PCDHGB2: variants seen among roughly 807,000 people sequenced by gnomAD.
The protein encoded by PCDHGB2 is protocadherin gamma subfamily B, 2.
PCDHGB2 carries 55 observed loss-of-function variants against 59.3 expected under a neutral mutation model. That is an observed-to-expected ratio of 0.93 (90% CI 0.75 to 1.16). PCDHGB2 has a LOEUF of 1.16. Ranked by LOEUF, PCDHGB2 falls within the 50% of genes most tolerant of loss-of-function variation. The probability of loss-of-function intolerance (pLI) is 0.00; values close to 1 mark genes in which losing one functional copy is unlikely to be tolerated. For synonymous variants in PCDHGB2, 516 were observed against 512.0 expected (o/e 1.01, Z -0.11); for missense variants, 1,228 against 1,198.5 (o/e 1.02, Z -0.36).
At position 141,392,979 on chromosome 5, in the gene PCDHGB2, C is replaced by A. The variant is rs1356713892; in HGVS notation, c.2421+30423C>A. 1.9e-6 allele frequency: 3 copies of A among 1,613,718 alleles called. No individual in the cohort carries two copies. In the South Asian group the frequency reaches 3.3e-5, roughly 18 times the overall value. ...TATCTCCAAGGACCTGGGGCTGGACCCCCGGAAGCTGGCGAAGCACGGAGT... is the reference window on the plus strand; with the variant it reads ...TATCTCCAAGGACCTGGGGCTGGACACCCGGAAGCTGGCGAAGCACGGAGT... On this transcript the variant is annotated intron_variant, in intron 1 of 3. Transcript: ENST00000522605.
intron 1 of PCDHGB2, chr5:141,390,882 G>C (rs892294372): frequency 6.5e-6 from 1 of 152,824 alleles, no homozygotes; most frequent in Admixed American, 6.5e-5. Flanking sequence ...GTGTGTGTGT[G>C]TGTGTGAGAG....
chr5:141,459,976 G>A (rs1013971472), intron 1 of PCDHGB2, among the ~76,000 whole-genome samples: 1 of 152,202 alleles, frequency 6.6e-6, no homozygotes, highest in Non-Finnish European at 1.5e-5. Flanking sequence ...TACTCAGGAG[G>A]CTGAGACAGG....
At chr5:141,396,502 C>T (rs982229069) in intron 1 of PCDHGB2, 2 of 152,106 alleles carry the variant, frequency 1.3e-5, no homozygotes, top group African/African-American at 4.8e-5. Flanking sequence ...CGCCTGTGGT[C>T]CCAGCTACTC....
At chr5:141,428,124 C>G in intron 1 of PCDHGB2, 2 of 1,605,400 alleles carry the variant, frequency 1.2e-6, no homozygotes, top group Non-Finnish European at 1.7e-6. Flanking sequence ...CGAGCCCGGG[C>G]TTTTCAGCCT....
At chr5:141,374,687 C>A in intron 1 of PCDHGB2, 1 of 1,609,446 alleles carries the variant, frequency 6.2e-7, no homozygotes, top group Non-Finnish European at 8.5e-7. Flanking sequence ...CACACTGGAC[C>A]GGGAAGGAGA....
intron 1 of PCDHGB2, among the ~76,000 whole-genome samples, chr5:141,465,888 C>T (rs1031908926): frequency 5.3e-5 from 8 of 151,942 alleles, no homozygotes; most frequent in South Asian, 2.1e-4. Context: ...TTTGGGAGGC[C>T]GAGGCGGGCA....
intron 1 of PCDHGB2, chr5:141,375,541 A>G (rs566370523): frequency 1.2e-6 from 2 of 1,613,786 alleles, no homozygotes; most frequent in South Asian, 2.2e-5. Context: ...AGAACGCCCA[A>G]GTCTCCTACT....
At chr5:141,508,033 C>A (rs1596123382) in intron 3 of PCDHGB2, 1 of 152,290 alleles carries the variant, frequency 6.6e-6, no homozygotes, top group Non-Finnish European at 1.5e-5. Flanking sequence ...GTTTGCAGCT[C>A]AGCCAGCTGT....
At chr5:141,478,074 A>G in intron 1 of PCDHGB2, 1 of 1,614,090 alleles carries the variant, frequency 6.2e-7, no homozygotes, top group Non-Finnish European at 8.5e-7. Context: ...GACAATGGGG[A>G]GCCTTCGCTC....
At position 141,409,239 on chromosome 5, in the gene PCDHGB2, A is replaced by C. The variant is rs1330242516; in HGVS notation, c.2421+46683A>C. The C allele has an allele frequency of 5.0e-6, 8 of 1,613,920 alleles. No individual in the cohort carries two copies. In the Admixed American group the frequency reaches 1.3e-4, roughly 27 times the overall value. On this transcript the variant is annotated intron_variant, in intron 1 of 3. Transcript: ENST00000522605. ...CTTGATGAAAACGACAACAGCCCAG[A>C]AATAATCATCACTTCTCTCTCTGAT... is the stretch of plus-strand genomic sequence containing the variant.
At chr5:141,467,134 C>T (rs905270517) in intron 1 of PCDHGB2, among the ~76,000 whole-genome samples, 19 of 151,750 alleles carry the variant, frequency 1.3e-4, no homozygotes, top group African/African-American at 4.6e-4. Flanking sequence ...CTCACTGCAA[C>T]CTCTGCCTCC....
Position 141,361,133 on chromosome 5 carries a change from TC to T in PCDHGB2, c.1000del (p.Gln334LysfsTer16). The T allele has an allele frequency of 6.2e-7, 1 of 1,613,962 alleles. No individual in the cohort carries two copies. Among genetic ancestry groups the T allele is most frequent in the South Asian group, 1.1e-5 (1 of 91,080 alleles). ...DPGDLAAHCSIQVEILDDNDC... is the reference protein window; with the variant it reads ...DPGDLAAHCSXQVEILDDNDC... The stretch of plus-strand genomic sequence containing the variant: ...GGAGATCTAGCAGCCCACTGCAGTA[TC>T]CAAGTTGAAATTCTTGATGACAACG... On this transcript the variant is annotated frameshift_variant, in exon 1 of 4. Coordinates refer to ENST00000522605, the MANE Select transcript of PCDHGB2 (RefSeq NM_018923.3). LOFTEE classifies it high-confidence loss of function.
intron 1 of PCDHGB2, among the ~76,000 whole-genome samples, chr5:141,462,825 C>T (rs1040054698): frequency 4.6e-5 from 7 of 152,124 alleles, no homozygotes; most frequent in Admixed American, 3.9e-4. Context: ...GGACAGCAGA[C>T]ATTGTAAATG....
chr5:141,422,260 G>A, intron 1 of PCDHGB2: 1 of 1,564,392 alleles, frequency 6.4e-7, no homozygotes, highest in South Asian at 1.2e-5. Context: ...GAATGATAAC[G>A]CTCCAGAAAT....
intron 2 of PCDHGB2, among the ~76,000 whole-genome samples, chr5:141,500,877 A>AT (rs369345007): frequency 0.053 from 6,532 of 122,188 alleles, 326 homozygotes; most frequent in Admixed American, 0.19. Context: ...TTCATTTACA[A>AT]TTTTTTTTTT....
chr5:141,382,749 G>C, intron 1 of PCDHGB2: 1 of 612,214 alleles, frequency 1.6e-6, no homozygotes, highest in Non-Finnish European at 2.8e-6. Context: ...GACAGATTGC[G>C]ATAAGCCCTC....
intron 3 of PCDHGB2, among the ~76,000 whole-genome samples, chr5:141,510,204 C>T (rs1403130911): frequency 1.3e-5 from 2 of 150,304 alleles, no homozygotes; most frequent in Admixed American, 1.3e-4. Flanking sequence ...GCCCAGGAGG[C>T]AGAGGTTGCA....
At chr5:141,404,795 G>C (rs769293241) in intron 1 of PCDHGB2, 4 of 1,614,042 alleles carry the variant, frequency 2.5e-6, no homozygotes, top group Admixed American at 1.7e-5. Flanking sequence ...CAGTGAGCCA[G>C]GGCTCTTCTC....
Position 141,408,894 on chromosome 5 carries a change from C to T in PCDHGB2, c.2421+46338C>T, listed in dbSNP as rs778126197. 71 of 1,613,186 alleles carry T rather than the reference C, an allele frequency of 4.4e-5. No homozygotes were observed. The Middle Eastern group carries it at 4.9e-4, about 11-fold the overall frequency. ...AGTGCCACCGCTCACATAGAAATTT[C>T]TGTCAAGGATACCAATGATAACCCC... On this transcript the variant is annotated intron_variant, in intron 1 of 3. Transcript: ENST00000522605.
Sources: allele counts gnomAD v4.1 joint callset (sites outside exome capture counted in the v4.1 genomes callset), GRCh38; gene constraint gnomAD v4.1.1; transcripts MANE v1.5; gene names NCBI Gene and HGNC (gene_info 2026-07-23, HGNC 2026-07-21).